MICU1: variants seen among roughly 807,000 people sequenced by gnomAD.
The protein encoded by MICU1 is mitochondrial calcium uptake 1, also known as calcium uptake protein 1, mitochondrial.
MICU1 carries 45 observed loss-of-function variants against 56.8 expected under a neutral mutation model. That is an observed-to-expected ratio of 0.79 (90% CI 0.62 to 1.02). MICU1 has a LOEUF of 1.02. Ranked by LOEUF, MICU1 falls within the 50% of genes least tolerant of loss-of-function variation. The pLI, the probability that MICU1 is intolerant of heterozygous loss-of-function variation, is 0.00. For synonymous variants in MICU1, 186 were observed against 195.1 expected (o/e 0.95, Z 0.39); for missense variants, 504 against 587.1 (o/e 0.86, Z 1.46).
At chr10:72,376,612 ACT>A (rs1386491672) in intron 10 of MICU1, among the ~76,000 whole-genome samples, 2 of 152,076 alleles carry the variant, frequency 1.3e-5, no homozygotes, top group East Asian at 3.9e-4. Flanking sequence ...CTGGAGTAAC[ACT>A]CTATGTAACA....
chr10:72,509,718 T>A (rs1047790436), intron 5 of MICU1, among the ~76,000 whole-genome samples: 1 of 152,096 alleles, frequency 6.6e-6, no homozygotes, highest in Non-Finnish European at 1.5e-5. Context: ...CTTCTTTGAG[T>A]TGACAACAAA....
chr10:72,548,280 AT>A (rs1839945653), intron 4 of MICU1, among the ~76,000 whole-genome samples: 1 of 152,228 alleles, frequency 6.6e-6, no homozygotes, highest in African/African-American at 2.4e-5. Context: ...AATAAAAAAA[AT>A]GAAAGCGAAA....
intron 8 of MICU1, among the ~76,000 whole-genome samples, 159 bp downstream of exon 8, chr10:72,474,941 A>C (rs1866066452): frequency 6.6e-6 from 1 of 152,186 alleles, no homozygotes; most frequent in South Asian, 2.1e-4. Flanking sequence ...TTCACAGAAC[A>C]TGTTGTTTCC....
chr10:72,568,051 T>C (rs1251154335), intron 1 of MICU1, among the ~76,000 whole-genome samples: 1 of 152,146 alleles, frequency 6.6e-6, no homozygotes, highest in East Asian at 1.9e-4. Flanking sequence ...CATACTTCAA[T>C]GTCTCGGAGT....
At chr10:72,470,635 A>T (rs1258573642) in intron 8 of MICU1, among the ~76,000 whole-genome samples, 2 of 152,152 alleles carry the variant, frequency 1.3e-5, no homozygotes, top group Admixed American at 6.5e-5. Context: ...CTCATGACCT[A>T]ATCACCCCTT....
At chr10:72,425,966 G>T (rs190520261) in intron 8 of MICU1, among the ~76,000 whole-genome samples, 1 of 152,146 alleles carries the variant, frequency 6.6e-6, no homozygotes, top group Non-Finnish European at 1.5e-5. Context: ...TGTATGCAGG[G>T]TTAAGCATTG....
chr10:72,540,938 G>A lies in MICU1; in HGVS notation c.494-7149C>T, dbSNP rs112190265. On this transcript the variant is annotated intron_variant, in intron 4 of 11. Coordinates refer to ENST00000361114, the MANE Select transcript of MICU1 (RefSeq NM_001195518.2). ...AAAAAGTTATAAACACATAAAGCAG[G>A]CTGACAAATCTGCTGACAAACTTTC... Among the ~76,000 whole-genome samples, 32 of 152,220 alleles carry A rather than the reference G, an allele frequency of 2.1e-4. 1 individual carries two copies. Among genetic ancestry groups the A allele is most frequent in the Non-Finnish European group, 1.5e-5 (1 of 68,048 alleles).
chr10:72,448,173 G>GTGTGTGTATATA (rs1393436881), intron 8 of MICU1, among the ~76,000 whole-genome samples: 10 of 77,188 alleles, frequency 1.3e-4, no homozygotes, highest in South Asian at 5.0e-4. Context: ...ATATGTGTGT[G>GTGTGTGTATATA]TATATATATA....
At chr10:72,538,738 C>T (rs1006688186) in intron 4 of MICU1, among the ~76,000 whole-genome samples, 3 of 151,830 alleles carry the variant, frequency 2.0e-5, no homozygotes, top group African/African-American at 7.3e-5. Context: ...ATAATAAAGT[C>T]CTTACATATC....
chr10:72,427,558 T>C (rs1346196026), intron 8 of MICU1, among the ~76,000 whole-genome samples: 1 of 152,072 alleles, frequency 6.6e-6, no homozygotes, highest in Non-Finnish European at 1.5e-5. Context: ...CAAGAGACTC[T>C]GTCCATCCCC....
At chr10:72,564,894 C>G (rs1242152503) in intron 2 of MICU1, among the ~76,000 whole-genome samples, 1 of 152,150 alleles carries the variant, frequency 6.6e-6, no homozygotes, top group Non-Finnish European at 1.5e-5. Context: ...AGGAAACAAT[C>G]AAGCTCTACC....
intron 9 of MICU1, among the ~76,000 whole-genome samples, chr10:72,414,360 T>C (rs1863916825): frequency 6.6e-6 from 1 of 152,192 alleles, no homozygotes; most frequent in African/African-American, 2.4e-5. Context: ...TTTACTCTTC[T>C]GCAATAGAAA....
At chr10:72,548,149 G>C (rs1449898640) in intron 4 of MICU1, among the ~76,000 whole-genome samples, 1 of 152,164 alleles carries the variant, frequency 6.6e-6, no homozygotes, top group Non-Finnish European at 1.5e-5. Flanking sequence ...ACACAACATA[G>C]CTGAGGTTTC....
chr10:72,370,079 G>A (rs1006726197), intron 11 of MICU1, among the ~76,000 whole-genome samples: 7 of 152,048 alleles, frequency 4.6e-5, no homozygotes, highest in Non-Finnish European at 7.4e-5. Context: ...GGGTTTCACC[G>A]TGTTAGCCAG....
chr10:72,415,777 G>C (rs1379398682), intron 9 of MICU1, among the ~76,000 whole-genome samples: 1 of 152,094 alleles, frequency 6.6e-6, no homozygotes, highest in East Asian at 1.9e-4. Flanking sequence ...CTAAAAACTT[G>C]TGCTTATTTA....
At chr10:72,545,754 G>A (rs1054940728) in intron 4 of MICU1, among the ~76,000 whole-genome samples, 7 of 152,162 alleles carry the variant, frequency 4.6e-5, no homozygotes, top group South Asian at 2.1e-4. Context: ...AAGGGAAGGC[G>A]ATTCTCTACA....
At chr10:72,625,397 CAAT>C in intron 1 of MICU1, among the ~76,000 whole-genome samples, 1 of 152,090 alleles carries the variant, frequency 6.6e-6, no homozygotes, top group Non-Finnish European at 1.5e-5. Context: ...CACATAGAGT[CAAT>C]AACATCTAGC....
chr10:72,438,435 A>G (rs1446878908), intron 8 of MICU1, among the ~76,000 whole-genome samples: 3 of 152,376 alleles, frequency 2.0e-5, no homozygotes, highest in Admixed American at 6.5e-5. Flanking sequence ...AAATGCCCAC[A>G]AGAGAAAGCA....
intron 11 of MICU1, among the ~76,000 whole-genome samples, chr10:72,372,913 CAAA>C (rs773051618): frequency 8.3e-5 from 4 of 48,482 alleles, no homozygotes; most frequent in African/African-American, 8.2e-5. Flanking sequence ...GAGTGAGCCT[CAAA>C]AAAAAAAAAA....
Sources: allele counts gnomAD v4.1 joint callset (sites outside exome capture counted in the v4.1 genomes callset), GRCh38; gene constraint gnomAD v4.1.1; transcripts MANE v1.5; gene names NCBI Gene and HGNC (gene_info 2026-07-23, HGNC 2026-07-21).